Variants in PSD3 observed in about 807,000 individuals in gnomAD.
The protein encoded by PSD3 is pleckstrin and Sec7 domain containing 3, also known as PH and SEC7 domain-containing protein 3.
In PSD3, 49 loss-of-function variants were observed where a neutral mutation model predicts 105.5. That is an observed-to-expected ratio of 0.46 (90% CI 0.37 to 0.59). The LOEUF (loss-of-function observed/expected upper bound fraction) is 0.59, where lower values mean the gene tolerates loss of function less well. Among genes scored for constraint, PSD3 ranks in the 20% least tolerant of loss-of-function variants. The pLI is 0.00. For synonymous variants in PSD3, 557 were observed against 457.8 expected, an observed-to-expected ratio of 1.22 and a Z score of -2.77; for missense variants, 1,561 against 1,263.8, an observed-to-expected ratio of 1.24 and a Z score of -3.57.
chr8:18,694,821 T>TA (rs1156779950), intron 9 of PSD3, among the ~76,000 whole-genome samples: 8 of 39,120 alleles, frequency 2.0e-4, no homozygotes, highest in Non-Finnish European at 9.0e-4. Context: ...CTATCTCCAC[T>TA]GAAAAAAAAA....
intron 9 of PSD3, chr8:18,721,239 T>C (rs1802950631): frequency 6.6e-6 from 1 of 151,944 alleles, no homozygotes; most frequent in Non-Finnish European, 1.5e-5. Context: ...TGATTTCTCT[T>C]TAAGGATTAT....
chr8:18,703,761 A>AAT (rs1174418305), intron 9 of PSD3, among the ~76,000 whole-genome samples: 1 of 152,188 alleles, frequency 6.6e-6, no homozygotes, highest in Non-Finnish European at 1.5e-5. Context: ...TGCTAATGAG[A>AAT]ATATATAACA....
At chr8:18,959,198 G>A (rs966021294) in intron 1 of PSD3, among the ~76,000 whole-genome samples, 9 of 152,160 alleles carry the variant, frequency 5.9e-5, no homozygotes, top group Non-Finnish European at 1.2e-4. Context: ...TGGGATTACG[G>A]GCGTGAGCCA....
intron 10 of PSD3, among the ~76,000 whole-genome samples, chr8:18,639,347 T>C (rs550280285): frequency 2.6e-5 from 4 of 152,264 alleles, no homozygotes; most frequent in South Asian, 4.1e-4. Flanking sequence ...ATGGTCTTAC[T>C]TGCTTATGGA....
At chr8:18,835,020 A>G (rs1203649278) in intron 4 of PSD3, among the ~76,000 whole-genome samples, 1 of 152,248 alleles carries the variant, frequency 6.6e-6, no homozygotes, top group Non-Finnish European at 1.5e-5. Flanking sequence ...GTATTCAGAT[A>G]GCTTTTTCAG....
intron 9 of PSD3, among the ~76,000 whole-genome samples, chr8:18,700,346 AT>A (rs1488393274): frequency 6.6e-6 from 1 of 152,190 alleles, no homozygotes; most frequent in Admixed American, 6.5e-5. Flanking sequence ...ATTCCTATTA[AT>A]GAGTTATCTA....
At chr8:18,684,626 T>C (rs1800564806) in intron 9 of PSD3, among the ~76,000 whole-genome samples, 1 of 152,214 alleles carries the variant, frequency 6.6e-6, no homozygotes, top group Non-Finnish European at 1.5e-5. Context: ...AAGAATTAAA[T>C]GTTTCTTATG....
rs1799634031 is a variant in PSD3, at chr8:18,531,570, G to C, written c.*4173C>G. On this transcript the variant is annotated 3_prime_UTR_variant, in exon 16 of 16. Transcript: ENST00000327040. ...GGTGGAAAGAAATTTGCTGACATGT[G>C]GCAGAGCAGTGGCATGGCCTGGGAG... is the stretch of plus-strand genomic sequence containing the variant. The C allele has an allele frequency of 6.6e-6, 1 of 152,320 alleles. No homozygotes were observed. The highest frequency in any genetic ancestry group is 1.5e-5 in the Non-Finnish European group (1 of 68,096). The allele number at this position is 152,320 out of a possible 1,614,324, so 9.4% of individuals were successfully genotyped here.
At chr8:18,933,578 G>A (rs1215697087) in intron 2 of PSD3, among the ~76,000 whole-genome samples, 4 of 152,002 alleles carry the variant, frequency 2.6e-5, no homozygotes, top group East Asian at 1.9e-4. Context: ...AACGATTCTC[G>A]TGCCTCAGCC....
At chr8:18,772,056 G>A (rs761361996) in intron 8 of PSD3, among the ~76,000 whole-genome samples, 1 of 152,112 alleles carries the variant, frequency 6.6e-6, no homozygotes, top group African/African-American at 2.4e-5. Context: ...CATGTGACAG[G>A]ATTTCTTTCC....
chr8:18,734,212 T>G (rs544699650), intron 9 of PSD3: 1 of 152,320 alleles, frequency 6.6e-6, no homozygotes, highest in African/African-American at 2.4e-5. Flanking sequence ...ATGTATAGCC[T>G]TTGGAAAATT....
chr8:18,867,141 C>G (rs1370600683), intron 4 of PSD3, among the ~76,000 whole-genome samples: 4 of 152,160 alleles, frequency 2.6e-5, no homozygotes, highest in African/African-American at 9.7e-5. Flanking sequence ...TATCAGCTCT[C>G]TCAAGCATCT....
chr8:18,979,490 T>A (rs1825138799), intron 1 of PSD3: 1 of 152,232 alleles, frequency 6.6e-6, no homozygotes, highest in Non-Finnish European at 1.5e-5. Flanking sequence ...TTTGATATGG[T>A]CTGCCCACAG....
chr8:18,792,255 T>A (rs566768558), intron 8 of PSD3, among the ~76,000 whole-genome samples: 3 of 152,116 alleles, frequency 2.0e-5, no homozygotes, highest in Non-Finnish European at 4.4e-5. Flanking sequence ...GTTATAAAGA[T>A]ACATGCATGC....
chr8:18,955,694 T>C (rs1823523171), intron 1 of PSD3, among the ~76,000 whole-genome samples: 1 of 152,066 alleles, frequency 6.6e-6, no homozygotes, highest in Non-Finnish European at 1.5e-5. Context: ...GTCCCAGGAG[T>C]GGACAGGGAC....
At chr8:18,693,842 A>C (rs752004452) in intron 9 of PSD3, among the ~76,000 whole-genome samples, 4 of 152,118 alleles carry the variant, frequency 2.6e-5, no homozygotes, top group African/African-American at 4.8e-5. Context: ...TTTTACTCTT[A>C]AGTTATTAAA....
At chr8:18,562,260 G>A (rs776634568) in intron 14 of PSD3, among the ~76,000 whole-genome samples, 17 of 152,202 alleles carry the variant, frequency 1.1e-4, no homozygotes, top group African/African-American at 4.1e-4. Context: ...TAAGGTGGAA[G>A]AGAACCTGGC....
At position 19,074,611 on chromosome 8, in the gene PSD3, A is replaced by T. The variant is rs13253738; in HGVS notation, c.324+9595T>A. 8.1e-3 allele frequency among the ~76,000 whole-genome samples: 195 copies of T among 24,142 alleles called. 2 individuals are homozygous for T. Among genetic ancestry groups the T allele is most frequent in the East Asian group, 0.019 (9 of 470 alleles). 15.8% of individuals were successfully genotyped at this position (24,142 alleles called of 152,430 possible). ...TATATACATATATATATATATATATATTTTTTTTTTTTTTTTTTTTTTTTT... is the reference window on the plus strand; with the variant it reads ...TATATACATATATATATATATATATTTTTTTTTTTTTTTTTTTTTTTTTTT... On this transcript the variant is annotated intron_variant, in intron 1 of 1. Coordinates refer to the PSD3 transcript ENST00000521475.
intron 1 of PSD3, among the ~76,000 whole-genome samples, chr8:19,075,841 G>C (rs554150934): frequency 1.9e-4 from 29 of 152,312 alleles, no homozygotes; most frequent in African/African-American, 7.0e-4. Flanking sequence ...ATCTTCTGTT[G>C]TATGGATTAT....
Sources: gnomAD v4.1 joint callset for allele counts (sites outside exome capture counted in the v4.1 genomes callset) on GRCh38, gnomAD v4.1.1 for gene constraint, MANE v1.5 for transcripts, NCBI Gene and HGNC (gene_info 2026-07-23, HGNC 2026-07-21) for gene names.